The following GDA variants were observed in gnomAD, a reference collection of about 807,000 sequenced individuals.
GDA encodes the protein cytoplasmic PSD-95 interactor.
A neutral mutation model predicts 59.6 loss-of-function variants in GDA; 18 were observed. That is an observed-to-expected ratio of 0.30 (90% confidence interval 0.21 to 0.45). The LOEUF is 0.45. Among genes scored for constraint, GDA ranks in the 20% least tolerant of loss-of-function variants. GDA has a pLI of 1.00. For synonymous variants in GDA, 201 were observed against 201.1 expected, an observed-to-expected ratio of 1.00 and a Z score of 0.00; for missense variants, 427 against 552.3, an observed-to-expected ratio of 0.77 and a Z score of 2.27.
chr9:72,118,679 T>G (rs1392272924), intron 1 of GDA, among the ~76,000 whole-genome samples: 2 of 152,174 alleles, frequency 1.3e-5, no homozygotes, highest in African/African-American at 2.4e-5. Flanking sequence ...ATCACAGAAA[T>G]GCAAATTACC....
At chr9:72,135,558 C>T (rs952085360) in intron 1 of GDA, among the ~76,000 whole-genome samples, 3 of 152,178 alleles carry the variant, frequency 2.0e-5, no homozygotes, top group East Asian at 2.0e-4. Context: ...GCATCTATTA[C>T]GAGGAAGGTG....
chr9:72,234,681 C>T (rs1838755306), intron 10 of GDA, among the ~76,000 whole-genome samples: 1 of 152,186 alleles, frequency 6.6e-6, no homozygotes, highest in Non-Finnish European at 1.5e-5. Flanking sequence ...TAAGAAAGAA[C>T]TGCCTTGCAA....
intron 1 of GDA, among the ~76,000 whole-genome samples, chr9:72,160,082 G>A (rs1173482937): frequency 6.6e-6 from 1 of 152,054 alleles, no homozygotes; most frequent in Non-Finnish European, 1.5e-5. Flanking sequence ...GGCGGATCAT[G>A]AGGTCAGGAG....
intron 1 of GDA, among the ~76,000 whole-genome samples, chr9:72,168,256 T>A (rs62561977): frequency 6.6e-6 from 1 of 151,782 alleles, no homozygotes; most frequent in Non-Finnish European, 1.5e-5. Flanking sequence ...AAACACGAGC[T>A]GGGCATAGTG....
chr9:72,205,469 GT>G (rs1834575679), intron 3 of GDA, among the ~76,000 whole-genome samples: 2 of 152,152 alleles, frequency 1.3e-5, no homozygotes, highest in African/African-American at 4.8e-5. Flanking sequence ...ATTTAACAGA[GT>G]AAATTGAGCA....
intron 3 of GDA, among the ~76,000 whole-genome samples, chr9:72,205,826 G>A (rs1340390850): frequency 6.6e-6 from 1 of 152,168 alleles, no homozygotes; most frequent in Non-Finnish European, 1.5e-5. Flanking sequence ...CTTTAACACA[G>A]TCCAATTTGA....
chr9:72,257,437 C>A (rs1298296615), downstream of GDA: 1 of 152,194 alleles, frequency 6.6e-6, no homozygotes, highest in African/African-American at 2.4e-5. Context: ...AGGATATAAA[C>A]TTTGAAATGA....
chr9:72,127,538 G>A (rs2130600934), intron 1 of GDA, among the ~76,000 whole-genome samples: 1 of 151,852 alleles, frequency 6.6e-6, no homozygotes, highest in Non-Finnish European at 1.5e-5. Flanking sequence ...TCAGGAGGCT[G>A]AGGCAGGAGA....
intron 1 of GDA, among the ~76,000 whole-genome samples, chr9:72,118,574 A>G (rs1825550819): frequency 6.6e-6 from 1 of 152,214 alleles, no homozygotes; most frequent in Non-Finnish European, 1.5e-5. Context: ...TGCATAGAAA[A>G]GCCAAACAAT....
intron 3 of GDA, among the ~76,000 whole-genome samples, chr9:72,205,431 G>A (rs1834573090): frequency 6.6e-6 from 1 of 152,124 alleles, no homozygotes; most frequent in Non-Finnish European, 1.5e-5. Flanking sequence ...CATTCTAGTT[G>A]TGGAAAGAAA....
intron 10 of GDA, among the ~76,000 whole-genome samples, chr9:72,236,463 C>T (rs1240740127): frequency 3.9e-5 from 6 of 152,160 alleles, no homozygotes; most frequent in South Asian, 2.1e-4. Flanking sequence ...GAAATAGAAA[C>T]GACCAGAAAT....
intron 1 of GDA, among the ~76,000 whole-genome samples, chr9:72,165,911 A>AG: frequency 6.8e-6 from 1 of 146,108 alleles, no homozygotes; most frequent in Non-Finnish European, 1.5e-5. Flanking sequence ...AAAAAAAAAA[A>AG]CAACAAAAAA....
rs1166626011 is a variant in GDA at position 72,202,284 on chromosome 9, G to A, written c.213-287G>A. On this transcript the variant is annotated intron_variant, in intron 2 of 13. Transcript: ENST00000358399. ...AATCAGAGTTCCCGTCCTTTCTTGT[G>A]CCACCACTGCTTTGCTTCTGCTCAA... Among the ~76,000 whole-genome samples the A allele has an allele frequency of 2.0e-5, 3 of 152,116 alleles. No homozygotes were observed. The East Asian group carries it at 5.8e-4, about 29-fold the overall frequency.
At chr9:72,161,810 C>T (rs754922238) in intron 1 of GDA, among the ~76,000 whole-genome samples, 5 of 152,166 alleles carry the variant, frequency 3.3e-5, no homozygotes, top group Non-Finnish European at 7.3e-5. Flanking sequence ...TTACACAGAG[C>T]TTTTGCACAA....
intron 3 of GDA, among the ~76,000 whole-genome samples, chr9:72,205,355 G>A (rs1211267288): frequency 1.3e-5 from 2 of 152,166 alleles, no homozygotes; most frequent in East Asian, 3.9e-4. Context: ...CCTTTCTCAG[G>A]GGTCTCCCTG....
At chr9:72,137,436 A>G (rs1198887891) in intron 1 of GDA, among the ~76,000 whole-genome samples, 1 of 151,562 alleles carries the variant, frequency 6.6e-6, no homozygotes. Flanking sequence ...TTTAGTAGAG[A>G]TGGGTTTCAC....
chr9:72,204,340 TA>T (rs1424959846), intron 3 of GDA, among the ~76,000 whole-genome samples: 1 of 152,054 alleles, frequency 6.6e-6, no homozygotes, highest in Non-Finnish European at 1.5e-5. Flanking sequence ...AGATGTGAGA[TA>T]GCTGAAAATT....
chr9:72,122,634 T>TACACAC (rs112045510), intron 1 of GDA, among the ~76,000 whole-genome samples: 6,470 of 147,440 alleles, frequency 0.044, 324 homozygotes, highest in African/African-American at 0.13. Flanking sequence ...TGTATACATT[T>TACACAC]ACACACACAC....
intron 1 of GDA, among the ~76,000 whole-genome samples, chr9:72,135,655 C>T (rs1444279965): frequency 6.6e-6 from 1 of 152,030 alleles, no homozygotes; most frequent in African/African-American, 2.4e-5. Context: ...GTTGGCCTGG[C>T]GCGGTGACTC....
Sources: gnomAD v4.1 joint callset for allele counts (sites outside exome capture counted in the v4.1 genomes callset) on GRCh38, gnomAD v4.1.1 for gene constraint, MANE v1.5 for transcripts, NCBI Gene and HGNC (gene_info 2026-07-23, HGNC 2026-07-21) for gene names.